Variants in EHBP1 observed in about 807,000 individuals in gnomAD.
The protein encoded by EHBP1 is EH domain-binding protein 1.
Under a neutral mutation model 144.0 loss-of-function variants are expected in EHBP1, and 55 were observed. That is an observed-to-expected ratio of 0.38 (90% CI 0.31 to 0.48). The LOEUF is 0.48. Among genes scored for constraint, EHBP1 ranks in the 20% least tolerant of loss-of-function variants. The probability of loss-of-function intolerance (pLI) is 0.98; values close to 1 mark genes in which losing one functional copy is unlikely to be tolerated. For missense variants in EHBP1, 1,200 were observed against 1,364.2 expected (o/e 0.88, Z 1.90); for synonymous variants, 469 against 472.7 (o/e 0.99, Z 0.10).
At chr2:62,945,992 C>G (rs1251857124) in intron 12 of EHBP1, among the ~76,000 whole-genome samples, 1 of 106,526 alleles carries the variant, frequency 9.4e-6, no homozygotes, top group Non-Finnish European at 2.0e-5. Context: ...AAGTGAAATG[C>G]TTCTTTTTCA....
chr2:62,993,602 A>G lies in EHBP1; in HGVS notation c.2806A>G (p.Ser936Gly). 1 of 1,610,732 alleles carries G rather than the reference A, an allele frequency of 6.2e-7. No individual in the cohort carries two copies. The highest frequency in any genetic ancestry group is 1.1e-5 in the South Asian group (1 of 90,726). ...TERFRNPVVF[S>G]KDSTVRKTQL... is the part of the protein sequence containing the mutation. ...ACGTTTTAGAAATCCTGTTGTGTTC[A>G]GCAAAGATTCTACAGTCAGAAAAAC... The change falls in exon 17 of 23, where the codon AGC becomes GGC. Residue 936 changes from serine (S) to glycine (G), a missense_variant. Physicochemically the swap from Ser to Gly is moderately conservative, Grantham distance 56. Around this residue, in one of 6 missense-constraint regions of EHBP1, gnomAD observed 543 missense variants for 513.1 expected, o/e 1.06. Coordinates refer to ENST00000431489, the MANE Select transcript of EHBP1 (RefSeq NM_001142616.3).
intron 2 of EHBP1, among the ~76,000 whole-genome samples, chr2:62,716,182 C>T (rs1283270245): frequency 6.6e-6 from 1 of 152,034 alleles, no homozygotes; most frequent in Non-Finnish European, 1.5e-5. Flanking sequence ...GCCCCGCAAC[C>T]CCCCACCACG....
intron 10 of EHBP1, among the ~76,000 whole-genome samples, chr2:62,921,915 G>A (rs1357313496): frequency 2.0e-5 from 3 of 152,176 alleles, no homozygotes; most frequent in South Asian, 2.1e-4. Flanking sequence ...GGTGGCTCAC[G>A]CCTGTAATGC....
chr2:63,012,936 C>T (rs2060330057), intron 19 of EHBP1, among the ~76,000 whole-genome samples: 1 of 151,904 alleles, frequency 6.6e-6, no homozygotes, highest in African/African-American at 2.4e-5. Flanking sequence ...ATGTAGCCTA[C>T]TTAGCTCTTC....
At chr2:62,836,948 A>G (rs2152692420) in intron 7 of EHBP1, among the ~76,000 whole-genome samples, 1 of 126,648 alleles carries the variant, frequency 7.9e-6, no homozygotes, top group Non-Finnish European at 1.7e-5. Context: ...TCCCCAATCT[A>G]GCAAGGCAGG....
intron 10 of EHBP1, among the ~76,000 whole-genome samples, chr2:62,878,364 A>G (rs1443088278): frequency 2.6e-5 from 4 of 152,214 alleles, no homozygotes; most frequent in African/African-American, 9.6e-5. Flanking sequence ...AGACAGATTC[A>G]TGGCTGAATT....
intron 4 of EHBP1, among the ~76,000 whole-genome samples, chr2:62,765,857 A>C (rs1317663958): frequency 6.6e-6 from 1 of 152,152 alleles, no homozygotes; most frequent in Non-Finnish European, 1.5e-5. Flanking sequence ...CTTGCTTTCT[A>C]AAGTAGTACT....
At chr2:62,739,093 C>T (rs750999615) in intron 2 of EHBP1, among the ~76,000 whole-genome samples, 4 of 152,288 alleles carry the variant, frequency 2.6e-5, no homozygotes, top group South Asian at 4.2e-4. Flanking sequence ...CTTAACTATT[C>T]GTTACATTGG....
chr2:62,822,656 G>A (rs1280952233), intron 5 of EHBP1, among the ~76,000 whole-genome samples: 1 of 152,162 alleles, frequency 6.6e-6, no homozygotes, highest in Non-Finnish European at 1.5e-5. Context: ...CAAAGTGGCT[G>A]TATCAGTTGA....
chr2:62,798,291 C>T (rs2043697666), intron 5 of EHBP1, among the ~76,000 whole-genome samples: 1 of 152,096 alleles, frequency 6.6e-6, no homozygotes, highest in African/African-American at 2.4e-5. Context: ...TCGCTTGAAC[C>T]CAAGGGGCAG....
chr2:62,832,912 G>A (rs1019786053), intron 7 of EHBP1, among the ~76,000 whole-genome samples: 2 of 152,184 alleles, frequency 1.3e-5, no homozygotes, highest in Non-Finnish European at 1.5e-5. Flanking sequence ...ATTAAGTTTT[G>A]TGGGGAAGGC....
At chr2:62,826,354 C>A in intron 6 of EHBP1, 86 bp downstream of exon 6, 1 of 1,184,446 alleles carries the variant, frequency 8.4e-7, no homozygotes, top group Non-Finnish European at 1.1e-6. Context: ...AATAGTTGAA[C>A]ATCTTACAGC....
At chr2:62,872,735 A>G (rs1481479702) in intron 9 of EHBP1, among the ~76,000 whole-genome samples, 4 of 152,162 alleles carry the variant, frequency 2.6e-5, no homozygotes, top group South Asian at 2.1e-4. Context: ...CCTCATACCT[A>G]TTAACATTTA....
chr2:63,044,313 G>C (rs1257743717), intron 21 of EHBP1: 1 of 148,826 alleles, frequency 6.7e-6, no homozygotes. Flanking sequence ...ACTGCCCATC[G>C]GGTTTTCCAA....
At chr2:62,778,033 T>A (rs1041592516) in intron 5 of EHBP1, among the ~76,000 whole-genome samples, 3 of 152,212 alleles carry the variant, frequency 2.0e-5, no homozygotes, top group African/African-American at 7.2e-5. Context: ...TGGTTCTTCG[T>A]CCTCCGTGAA....
At chr2:62,995,601 A>C (rs1008380178) in intron 18 of EHBP1, among the ~76,000 whole-genome samples, 12 of 152,064 alleles carry the variant, frequency 7.9e-5, no homozygotes, top group Admixed American at 6.6e-4. Flanking sequence ...GTTCACATTT[A>C]TTTCTCTGAA....
chr2:62,772,228 GAGA>G (rs1376708059), intron 5 of EHBP1: 1 of 151,466 alleles, frequency 6.6e-6, no homozygotes, highest in African/African-American at 2.4e-5. Context: ...AGGAGAGAAA[GAGA>G]AGGAAGGAAG....
chr2:62,784,137 G>T (rs190185380), intron 5 of EHBP1, among the ~76,000 whole-genome samples: 82 of 152,124 alleles, frequency 5.4e-4, no homozygotes, highest in African/African-American at 1.9e-3. Context: ...ACATGAAATG[G>T]ATATAAAACT....
intron 1 of EHBP1, among the ~76,000 whole-genome samples, chr2:62,697,720 TA>T (rs2034150061): frequency 6.6e-6 from 1 of 152,170 alleles, no homozygotes; most frequent in African/African-American, 2.4e-5. Context: ...GATTTTTCAC[TA>T]AAAATATCAT....
Sources: gnomAD v4.1 joint callset for allele counts (sites outside exome capture counted in the v4.1 genomes callset) on GRCh38, gnomAD v4.1.1 for gene constraint, gnomAD v4.1.1 regional missense constraint, MANE v1.5 for transcripts, NCBI Gene and HGNC (gene_info 2026-07-23, HGNC 2026-07-21) for gene names.